The following BRSK1 variants were observed in gnomAD, a reference collection of about 807,000 sequenced individuals.
BRSK1 encodes the protein BR serine/threonine kinase 1, also known as serine/threonine-protein kinase BRSK1.
In BRSK1, 17 loss-of-function variants were observed where a neutral mutation model predicts 86.2. The ratio of observed to expected loss-of-function variants is 0.20; its 90% CI spans 0.14 to 0.30. The LOEUF (loss-of-function observed/expected upper bound fraction) is 0.30, where lower values mean the gene tolerates loss of function less well. Ranked by LOEUF, BRSK1 falls within the 10% of genes least tolerant of loss-of-function variation. The pLI, the probability that BRSK1 is intolerant of heterozygous loss-of-function variation, is 1.00. For missense variants in BRSK1, 719 were observed against 1,071.9 expected (o/e 0.67, Z 4.60); for synonymous variants, 464 against 440.1 (o/e 1.05, Z -0.68).
In BRSK1 at chr19:55,301,545, C is replaced by T; in HGVS notation, c.712C>T (p.Gln238Ter). 6.2e-7 allele frequency: 1 copy of T among 1,613,960 alleles called. No homozygotes were observed. Among genetic ancestry groups the T allele is most frequent in the Non-Finnish European group, 8.5e-7 (1 of 1,179,974 alleles). ...GCCCTTTGATGACGACAACCTCCGC[C>T]AGCTGCTGGAGAAGGTGAAACGGGG... ...ALPFDDDNLR[Q>*]LLEKVKRGVF... The change falls in exon 8 of 19, where the codon CAG becomes TAG. Residue 238 changes from glutamine (Q) to a stop codon, truncating the protein, a stop_gained. Coordinates refer to ENST00000309383, the MANE Select transcript of BRSK1 (RefSeq NM_032430.2). LOFTEE classifies it high-confidence loss of function.
At position 55,312,125 on chromosome 19, in the gene BRSK1, A is replaced by G. The variant is rs1332669265; in HGVS notation, c.*57A>G. The stretch of plus-strand genomic sequence containing the variant: ...CTCCACCCCCCTTCCGTGCCCCCCA[A>G]CTGTGAATCTGTAAATAAGGCCCAA... On this transcript the variant is annotated 3_prime_UTR_variant, in exon 19 of 19. Transcript: ENST00000309383. The G allele has an allele frequency of 9.8e-6, 7 of 717,614 alleles. No homozygotes were observed. Among genetic ancestry groups the G allele is most frequent in the Non-Finnish European group, 6.6e-6 (3 of 451,836 alleles). 44.5% of individuals were successfully genotyped at this position (717,614 alleles called of 1,614,324 possible). A position where few individuals can be genotyped will look rare whatever the true frequency, so the allele number is the denominator to read the frequency against.
chr19:55,305,070 G>A, intron 14 of BRSK1, 150 bp downstream of exon 14: 1 of 1,320,304 alleles, frequency 7.6e-7, no homozygotes, highest in Non-Finnish European at 1.0e-6. Flanking sequence ...TGAAGCAGAG[G>A]TGCACCTGTT....
rs1450257579 is a variant in BRSK1, at chr19:55,305,500, T to C, written c.1804T>C (p.Leu602=). Residue 602 remains leucine, a synonymous_variant, in exon 16 of 19, where the codon TTG becomes CTG. Transcript: ENST00000309383. ...CTCCTGGTTCGGGAACTTCATCTCC[T>C]TGGACAAAGAAGAACAAATATTCCT... ...KRSWFGNFIS[L]DKEEQIFLVL... 3 of 1,614,154 alleles carry C rather than the reference T, an allele frequency of 1.9e-6. No homozygotes were observed. Among genetic ancestry groups the C allele is most frequent in the Admixed American group, 3.3e-5 (2 of 60,016 alleles).
chr19:55,302,350 A>ACAT lies in BRSK1; in HGVS notation c.857+182_857+183insCAT. 1 of 711,150 alleles carries ACAT rather than the reference A, an allele frequency of 1.4e-6. No homozygotes were observed. Among genetic ancestry groups the ACAT allele is most frequent in the Non-Finnish European group, 2.4e-6 (1 of 410,150 alleles). The allele number at this position is 711,150 out of a possible 1,614,324, so 44.1% of individuals were successfully genotyped here. ...GAGAAGGAGTCTAGGGGTCAGAGGC[A>ACAT]GGAGGGGCTAAGCTAGGAGTCCAGG... On this transcript the variant is annotated intron_variant, in intron 9 of 18. Coordinates refer to ENST00000309383, the MANE Select transcript of BRSK1 (RefSeq NM_032430.2). This position sits in a 1 kb window ranked among gnomAD's most constrained non-coding sequence, Gnocchi z 6.3.
intron 7 of BRSK1, among the ~76,000 whole-genome samples, chr19:55,300,148 C>G (rs1368204257): frequency 2.0e-5 from 3 of 152,190 alleles, no homozygotes; most frequent in Admixed American, 6.6e-5. Context: ...CAGGCCAACT[C>G]CAGGAGGGCA....
chr19:55,298,209 C>CTTTTT (rs71181751), intron 7 of BRSK1, among the ~76,000 whole-genome samples: 3 of 69,622 alleles, frequency 4.3e-5, no homozygotes, highest in Non-Finnish European at 7.8e-5. Flanking sequence ...TTTGTTTCTT[C>CTTTTT]TTTTTTTTTT....
intron 17 of BRSK1, 90 bp from the exon 18 acceptor site, chr19:55,308,549 C>A: frequency 1.1e-6 from 1 of 894,872 alleles, no homozygotes; most frequent in Non-Finnish European, 1.9e-6. Context: ...GTGTTGTGTG[C>A]TTGGTGGAGG....
At chr19:55,295,402 C>T (rs561883996) in intron 7 of BRSK1, among the ~76,000 whole-genome samples, 1 of 152,246 alleles carries the variant, frequency 6.6e-6, no homozygotes, top group Non-Finnish European at 1.5e-5. Flanking sequence ...GGATTACATG[C>T]GTGAGGCCAC....
Position 55,302,859 on chromosome 19 carries a change from C to T in BRSK1, c.1020C>T (p.Arg340=), listed in dbSNP as rs760959221. ...GCGAGAGGCTGCATCGCGAGCTGCGCAGTGAGGAGTAAGACCCCAAGACCC... is the reference window on the plus strand; with the variant it reads ...GCGAGAGGCTGCATCGCGAGCTGCGTAGTGAGGAGTAAGACCCCAAGACCC... ...RDRERLHREL[R]SEEENQEKMI... The change falls in exon 10 of 19, where the codon CGC becomes CGT. Residue 340 remains arginine, a synonymous_variant. Transcript: ENST00000309383. This position sits in a 1 kb window ranked among gnomAD's most constrained non-coding sequence, Gnocchi z 6.3. 5 of 1,612,898 alleles carry T rather than the reference C, an allele frequency of 3.1e-6. No homozygotes were observed. The Admixed American group carries it at 5.0e-5, about 16-fold the overall frequency.
chr19:55,304,994 G>C lies in BRSK1; in HGVS notation c.1717+74G>C. 1 of 1,569,976 alleles carries C rather than the reference G, an allele frequency of 6.4e-7. No individual in the cohort carries two copies. The highest frequency in any genetic ancestry group is 8.6e-7 in the Non-Finnish European group (1 of 1,165,280). ...TAAAAATCTGGTTCCAGGGATGTCC[G>C]TCTGGCGTGTCTAGAGAGGAAGGGA... On this transcript the variant is annotated intron_variant, in intron 14 of 18. Transcript: ENST00000309383. This position sits in a 1 kb window ranked among gnomAD's most constrained non-coding sequence, Gnocchi z 5.2.
chr19:55,301,542 C>G lies in BRSK1; in HGVS notation c.709C>G (p.Arg237Gly). The stretch of plus-strand genomic sequence containing the variant: ...TCTGCCCTTTGATGACGACAACCTC[C>G]GCCAGCTGCTGGAGAAGGTGAAACG... ...GALPFDDDNLRQLLEKVKRGV... is the reference protein window; with the variant it reads ...GALPFDDDNLGQLLEKVKRGV... The change falls in exon 8 of 19, where the codon CGC becomes GGC. Residue 237 changes from arginine to glycine, a missense_variant. By Grantham distance (125) the Arg-to-Gly change is moderately radical (BLOSUM62 -2). This residue lies in a region of BRSK1 where 75 missense variants were observed against 281.0 expected (regional missense o/e 0.27). Transcript: ENST00000309383. The G allele has an allele frequency of 6.2e-7, 1 of 1,613,910 alleles. No homozygotes were observed. The highest frequency in any genetic ancestry group is 8.5e-7 in the Non-Finnish European group (1 of 1,179,956).
chr19:55,297,890 C>T (rs945612385), intron 7 of BRSK1, among the ~76,000 whole-genome samples: 1 of 151,766 alleles, frequency 6.6e-6, no homozygotes, highest in African/African-American at 2.4e-5. Context: ...TCTTGGCTCA[C>T]TGAAACCTCC....
rs2088279411 is a variant in BRSK1, at chr19:55,284,521, C to T, written c.79C>T (p.His27Tyr). Residue 27 changes from histidine to tyrosine, a missense_variant, in exon 1 of 19, where the codon CAC becomes TAC. By Grantham distance (83) the His-to-Tyr change is moderately conservative. Around this residue, in one of 6 missense-constraint regions of BRSK1, gnomAD observed 71 missense variants for 92.6 expected, o/e 0.77. Transcript: ENST00000309383. ...CCACCCCCACCCCCACCCACCCCAG[C>T]ACGCCCAATATGTGGGCCCCTATCG... ...LPHPHPHPPQ[H>Y]AQYVGPYRLE... is the part of the protein sequence containing the mutation. The T allele has an allele frequency of 1.5e-6, 2 of 1,290,756 alleles. No homozygotes were observed. Among genetic ancestry groups the T allele is most frequent in the African/African-American group, 3.1e-5 (2 of 64,464 alleles). 80.0% of individuals were successfully genotyped at this position (1,290,756 alleles called of 1,614,324 possible).
intron 1 of BRSK1, among the ~76,000 whole-genome samples, chr19:55,285,494 C>T (rs917176426): frequency 4.9e-4 from 75 of 152,270 alleles, no homozygotes; most frequent in African/African-American, 1.8e-3. Flanking sequence ...AACCTCTTCC[C>T]TCCCCACTGT....
At chr19:55,292,841 A>AC (rs2088428940) in intron 4 of BRSK1, among the ~76,000 whole-genome samples, 1 of 151,976 alleles carries the variant, frequency 6.6e-6, no homozygotes, top group Non-Finnish European at 1.5e-5. Flanking sequence ...CTCAAAAAAA[A>AC]AAAAAAGGAA....
At chr19:55,301,806 A>T (rs2088573029) in intron 8 of BRSK1, 148 bp downstream of exon 8, 1 of 1,059,734 alleles carries the variant, frequency 9.4e-7, no homozygotes, top group Non-Finnish European at 1.3e-6. Context: ...CCCAAGGTCC[A>T]GCACAGCTGC....
rs181701508 is a variant in BRSK1 at position 55,297,466 on chromosome 19, G to A, written c.678+3069G>A. Reference sequence around the variant, plus strand: ...GGGGAAGTGACTGGCCCACGGGCACGCAGCTGATAAGCCGCAGGCCTGGGG... The same window carrying A: ...GGGGAAGTGACTGGCCCACGGGCACACAGCTGATAAGCCGCAGGCCTGGGG... On this transcript the variant is annotated intron_variant, in intron 7 of 18. Coordinates refer to ENST00000309383, the MANE Select transcript of BRSK1 (RefSeq NM_032430.2). 3.9e-3 allele frequency among the ~76,000 whole-genome samples: 595 copies of A among 152,270 alleles called. 2 individuals carry two copies. The highest frequency in any genetic ancestry group is 0.013 in the African/African-American group (526 of 41,552).
At chr19:55,300,520 T>G (rs1366533395) in intron 7 of BRSK1, among the ~76,000 whole-genome samples, 1 of 152,084 alleles carries the variant, frequency 6.6e-6, no homozygotes, top group Non-Finnish European at 1.5e-5. Context: ...CTGGCCAACG[T>G]GGTGAAACCC....
chr19:55,291,439 G>A (rs1480194201), intron 4 of BRSK1, among the ~76,000 whole-genome samples: 2 of 152,152 alleles, frequency 1.3e-5, no homozygotes, highest in Non-Finnish European at 2.9e-5. Context: ...AGCTACTTGG[G>A]AAGCTGTGGT....
Sources: allele counts gnomAD v4.1 joint callset (sites outside exome capture counted in the v4.1 genomes callset), GRCh38; gene constraint gnomAD v4.1.1; regional missense constraint gnomAD v4.1.1; non-coding constraint Gnocchi (gnomAD v3.1); transcripts MANE v1.5; gene names NCBI Gene and HGNC (gene_info 2026-07-23, HGNC 2026-07-21).